The following LRMDA variants were observed in gnomAD, a reference collection of about 807,000 sequenced individuals.
LRMDA encodes the protein leucine-rich melanocyte differentiation-associated protein.
LRMDA carries 18 observed loss-of-function variants against 29.8 expected under a neutral mutation model. That is an observed-to-expected ratio of 0.60 (90% CI 0.42 to 0.90). LRMDA has a LOEUF of 0.90. Ranked by LOEUF, LRMDA falls within the 40% of genes least tolerant of loss-of-function variation. The probability of loss-of-function intolerance (pLI) is 0.00; values close to 1 mark genes in which losing one functional copy is unlikely to be tolerated. For synonymous variants in LRMDA, 125 were observed against 109.4 expected, an observed-to-expected ratio of 1.14 and a Z score of -0.89; for missense variants, 273 against 273.9, an observed-to-expected ratio of 1.00 and a Z score of 0.02.
chr10:76,539,712 T>C (rs989978436), intron 6 of LRMDA, among the ~76,000 whole-genome samples: 6 of 152,176 alleles, frequency 3.9e-5, no homozygotes, highest in Non-Finnish European at 7.3e-5. Flanking sequence ...AGGTGCATTG[T>C]TCAGTCTCAG....
At chr10:76,295,639 C>T (rs2132353524) in intron 5 of LRMDA, among the ~76,000 whole-genome samples, 1 of 152,310 alleles carries the variant, frequency 6.6e-6, no homozygotes. Flanking sequence ...TAGCTCTCCT[C>T]TCTGGTAACC....
intron 5 of LRMDA, among the ~76,000 whole-genome samples, chr10:76,228,100 C>T (rs1345146075): frequency 2.6e-5 from 4 of 151,526 alleles, no homozygotes; most frequent in Admixed American, 2.6e-4. Flanking sequence ...TTGCTCACTG[C>T]AACGTCCGCC....
chr10:75,564,002 G>A (rs12768087), intron 2 of LRMDA, among the ~76,000 whole-genome samples: 77,545 of 152,082 alleles, frequency 0.51, 22,339 homozygotes, highest in Non-Finnish European at 0.64. Flanking sequence ...ACTTGAGGAG[G>A]TAGTCTGCCC....
intron 2 of LRMDA, among the ~76,000 whole-genome samples, chr10:75,501,306 C>T (rs1031981906): frequency 2.0e-5 from 3 of 152,108 alleles, no homozygotes; most frequent in African/African-American, 4.8e-5. Context: ...ACAACTTGTT[C>T]CATTAAAAGG....
At chr10:75,574,682 T>G (rs892927398) in intron 2 of LRMDA, among the ~76,000 whole-genome samples, 2 of 152,196 alleles carry the variant, frequency 1.3e-5, no homozygotes, top group Non-Finnish European at 2.9e-5. Flanking sequence ...GTTTCACACT[T>G]GTACTCTGTA....
intron 2 of LRMDA, among the ~76,000 whole-genome samples, chr10:75,992,194 A>T (rs1847382482): frequency 6.7e-6 from 1 of 148,770 alleles, no homozygotes; most frequent in Non-Finnish European, 1.5e-5. Context: ...CAAGTCTCAA[A>T]GTCTCACAGA....
At chr10:76,375,812 T>C (rs191697758) in intron 6 of LRMDA, among the ~76,000 whole-genome samples, 153 of 151,834 alleles carry the variant, frequency 1.0e-3, no homozygotes, top group African/African-American at 3.6e-3. Flanking sequence ...AAGAGCATAG[T>C]CTAAAGTTAA....
Position 75,827,433 on chromosome 10 carries a change from T to C in LRMDA, c.132-208575T>C, listed in dbSNP as rs537249825. The stretch of plus-strand genomic sequence containing the variant: ...ATTTAAACACAATTGCCATCCTCTG[T>C]TTGTATTTTCTTCTTGCTTGTGATT... On this transcript the variant is annotated intron_variant, in intron 2 of 6. Transcript: ENST00000611255. 4.6e-5 allele frequency among the ~76,000 whole-genome samples: 7 copies of C among 152,322 alleles called. No individual in the cohort carries two copies. The South Asian group carries it at 1.4e-3, about 32-fold the overall frequency.
intron 2 of LRMDA, among the ~76,000 whole-genome samples, chr10:76,025,640 A>C (rs1807982214): frequency 6.6e-6 from 1 of 152,154 alleles, no homozygotes; most frequent in Non-Finnish European, 1.5e-5. Flanking sequence ...GTAGCAAATC[A>C]GCTTTCTGGA....
At chr10:76,208,999 C>T (rs1851587687) in intron 5 of LRMDA, among the ~76,000 whole-genome samples, 2 of 151,920 alleles carry the variant, frequency 1.3e-5, no homozygotes, top group Non-Finnish European at 1.5e-5. Context: ...ACTAAAAATA[C>T]AAAAATCAGC....
chr10:75,786,047 G>C (rs1169080023), intron 2 of LRMDA, among the ~76,000 whole-genome samples: 1 of 152,186 alleles, frequency 6.6e-6, no homozygotes, highest in Non-Finnish European at 1.5e-5. Flanking sequence ...ACATTGTGAG[G>C]GGGACACAAA....
intron 6 of LRMDA, among the ~76,000 whole-genome samples, chr10:76,506,785 G>A (rs1014660047): frequency 4.0e-5 from 6 of 151,622 alleles, no homozygotes; most frequent in African/African-American, 1.5e-4. Flanking sequence ...CTATGTTGCT[G>A]CAGAATGACA....
chr10:75,562,270 C>T (rs1840307848), intron 2 of LRMDA, among the ~76,000 whole-genome samples: 2 of 152,062 alleles, frequency 1.3e-5, no homozygotes, highest in African/African-American at 4.8e-5. Context: ...GAATTGATCC[C>T]TTTACCATTA....
intron 2 of LRMDA, among the ~76,000 whole-genome samples, chr10:75,625,729 T>C (rs1415144915): frequency 6.6e-6 from 1 of 152,226 alleles, no homozygotes; most frequent in Non-Finnish European, 1.5e-5. Context: ...TGTTCTCTCA[T>C]CCTATCCCCC....
At chr10:76,202,832 A>G (rs1851457783) in intron 5 of LRMDA, among the ~76,000 whole-genome samples, 1 of 152,068 alleles carries the variant, frequency 6.6e-6, no homozygotes. Context: ...TTGCTGAGAC[A>G]CATGTGACTT....
At chr10:76,138,450 C>A (rs972447916) in intron 5 of LRMDA, among the ~76,000 whole-genome samples, 1 of 152,136 alleles carries the variant, frequency 6.6e-6, no homozygotes, top group Non-Finnish European at 1.5e-5. Flanking sequence ...CCTACTCCCC[C>A]CATTTGCTTG....
chr10:75,924,265 C>A (rs1161918729), intron 2 of LRMDA, among the ~76,000 whole-genome samples: 1 of 152,162 alleles, frequency 6.6e-6, no homozygotes, highest in Non-Finnish European at 1.5e-5. Context: ...TTAAGCACAA[C>A]AACTACGCAT....
chr10:75,932,575 G>T (rs1004979558), intron 2 of LRMDA, among the ~76,000 whole-genome samples: 1 of 152,054 alleles, frequency 6.6e-6, no homozygotes, highest in Non-Finnish European at 1.5e-5. Flanking sequence ...TTGTGTTTCT[G>T]CACTCTAGCC....
chr10:75,840,196 A>G (rs1417611023), intron 2 of LRMDA, among the ~76,000 whole-genome samples: 1 of 151,970 alleles, frequency 6.6e-6, no homozygotes, highest in East Asian at 1.9e-4. Flanking sequence ...ACATACCCTT[A>G]CAGGCCTTCC....
Sources: gnomAD v4.1 joint callset for allele counts (sites outside exome capture counted in the v4.1 genomes callset) on GRCh38, gnomAD v4.1.1 for gene constraint, MANE v1.5 for transcripts, NCBI Gene and HGNC (gene_info 2026-07-23, HGNC 2026-07-21) for gene names.